Variants in CD163L1 observed in about 807,000 individuals in gnomAD.
The protein encoded by CD163L1 is CD163 molecule like 1, also known as scavenger receptor cysteine-rich type 1 protein M160.
In CD163L1, 124 loss-of-function variants were observed where a neutral mutation model predicts 165.4. The ratio of observed to expected loss-of-function variants is 0.75; its 90% CI spans 0.65 to 0.87. CD163L1 has a LOEUF of 0.87. Among genes scored for constraint, CD163L1 ranks in the 40% least tolerant of loss-of-function variants. The pLI, the probability that CD163L1 is intolerant of heterozygous loss-of-function variation, is 0.00. For missense variants in CD163L1, 1,525 were observed against 1,799.9 expected (o/e 0.85, Z 2.76); for synonymous variants, 585 against 662.2 (o/e 0.88, Z 1.79).
At chr12:7,415,260 C>T (rs1034226908) in intron 4 of CD163L1, among the ~76,000 whole-genome samples, 7 of 151,894 alleles carry the variant, frequency 4.6e-5, no homozygotes, top group African/African-American at 1.7e-4. Flanking sequence ...ATAGTTATAA[C>T]TCTAATATGC....
In CD163L1 at chr12:7,433,524, G is replaced by C. The variant is rs762788583; in HGVS notation, c.295C>G (p.Arg99Gly). 5 of 1,614,026 alleles carry C rather than the reference G, an allele frequency of 3.1e-6. No individual in the cohort carries two copies. The highest frequency in any genetic ancestry group is 4.2e-6 in the Non-Finnish European group (5 of 1,180,008). ...LGCPFSFAMF[R>G]FGQAVTRHGK... is the part of the protein sequence containing the mutation. ...TGTCTAGTCACGGCTTGTCCAAAAC[G>C]AAACATGGCGAAAGAAAATGGACAT... The change falls in exon 3 of 20, where the codon CGT becomes GGT. Residue 99 changes from arginine (R) to glycine (G), a missense_variant. Physicochemically the swap from Arg to Gly is moderately radical, Grantham distance 125. Transcript: ENST00000313599.
intron 2 of CD163L1, chr12:7,438,818 C>T (rs1201438919): frequency 7.8e-6 from 12 of 1,539,984 alleles, no homozygotes; most frequent in South Asian, 1.2e-5. Flanking sequence ...TCTCTCTTCC[C>T]CGCTCAACCT....
In CD163L1 at chr12:7,374,742, G is replaced by A. The variant is rs1044594735; in HGVS notation, c.3109C>T (p.Arg1037Cys). The change falls in exon 13 of 20, where the codon CGC (arginine) becomes TGC (cysteine). Residue 1037 changes from arginine to cysteine, a missense_variant. Arg to Cys is a radical substitution (Grantham distance 180). Transcript: ENST00000313599. The surrounding 1 kb of genome is among the most constrained non-coding windows in gnomAD (Gnocchi z 5.4). ...CAGCGGCTGTCCCCATCCACTAGGC[G>A]GAGCCGTTTGTCCTCTTAGAGGAGA... ...ALICLEDKRL[R>C]LVDGDSRCAG... The A allele has an allele frequency of 8.1e-6, 13 of 1,613,518 alleles. No individual in the cohort carries two copies. The highest frequency in any genetic ancestry group is 5.3e-5 in the African/African-American group (4 of 74,898).
intron 18 of CD163L1, among the ~76,000 whole-genome samples, chr12:7,361,544 T>C (rs4882998): frequency 0.21 from 31,909 of 152,092 alleles, 3,838 homozygotes; most frequent in African/African-American, 0.33. Flanking sequence ...GCAGGGCAGA[T>C]ATGCTTTTGA....
chr12:7,352,998 T>C (rs1946717709), downstream of CD163L1, among the ~76,000 whole-genome samples: 1 of 152,090 alleles, frequency 6.6e-6, no homozygotes, highest in Admixed American at 6.6e-5. Flanking sequence ...GTCCAGGTAC[T>C]GGACTGAATA....
intron 18 of CD163L1, among the ~76,000 whole-genome samples, chr12:7,358,804 T>G (rs1258539282): frequency 1.3e-5 from 2 of 151,954 alleles, no homozygotes; most frequent in South Asian, 2.1e-4. Context: ...CACCAGAACT[T>G]TAAAACAACT....
At chr12:7,393,432 A>G (rs898981639) in intron 8 of CD163L1, among the ~76,000 whole-genome samples, 1 of 152,244 alleles carries the variant, frequency 6.6e-6, no homozygotes, top group Admixed American at 6.5e-5. Flanking sequence ...TCAAAATAAT[A>G]AGAGCTATTT....
At chr12:7,383,293 C>T (rs1327697304) in intron 8 of CD163L1, among the ~76,000 whole-genome samples, 26 of 152,142 alleles carry the variant, frequency 1.7e-4, no homozygotes, top group Admixed American at 1.7e-3. Context: ...CTCCAGCACC[C>T]ACCTACATGT....
intron 8 of CD163L1, among the ~76,000 whole-genome samples, chr12:7,380,787 CT>C (rs1262144986): frequency 4.6e-5 from 7 of 151,984 alleles, no homozygotes; most frequent in African/African-American, 1.7e-4. Context: ...AAATAAAAAA[CT>C]TTTTAAAAAA....
chr12:7,406,427 C>A (rs775930905), intron 5 of CD163L1, 105 bp downstream of exon 5: 2 of 1,067,744 alleles, frequency 1.9e-6, no homozygotes, highest in East Asian at 5.0e-5. Flanking sequence ...GTAACTTCTT[C>A]ACAATTCTTA....
Position 7,398,363 on chromosome 12 carries a change from A to T in CD163L1, c.1630T>A (p.Ser544Thr), listed in dbSNP as rs1020033908. Residue 544 changes from serine to threonine, a missense_variant, in exon 7 of 20, where the codon TCT becomes ACT. By Grantham distance (58) the Ser-to-Thr change is moderately conservative (BLOSUM62 1). Coordinates refer to ENST00000313599, the MANE Select transcript of CD163L1 (RefSeq NM_174941.6). The surrounding 1 kb of genome is among the most constrained non-coding windows in gnomAD (Gnocchi z 4.5). ...ATATTTGACTCATTTCCAATGCAAG[A>T]AACGTCATCCAGCCAAATAGGTCCT... ...ASGPIWLDDVSCIGNESNIWD... is the reference protein window; with the variant it reads ...ASGPIWLDDVTCIGNESNIWD... 6 of 1,614,212 alleles carry T rather than the reference A, an allele frequency of 3.7e-6. No individual in the cohort carries two copies. Among genetic ancestry groups the T allele is most frequent in the Non-Finnish European group, 4.2e-6 (5 of 1,180,028 alleles).
In CD163L1 at chr12:7,402,921, C is replaced by T. The variant is rs757598284; in HGVS notation, c.1408+614G>A. Among the ~76,000 whole-genome samples, 11 of 152,270 alleles carry T rather than the reference C, an allele frequency of 7.2e-5. No homozygotes were observed. In the East Asian group the frequency reaches 2.1e-3, roughly 29 times the overall value. ...GTGTTGGGGTTACAGGTGTGAGCCA[C>T]TGCACCTAGCTTTGTTTTTTAAATA... On this transcript the variant is annotated intron_variant, in intron 6 of 19. Coordinates refer to ENST00000313599, the MANE Select transcript of CD163L1 (RefSeq NM_174941.6).
intron 4 of CD163L1, among the ~76,000 whole-genome samples, chr12:7,411,703 T>A (rs1948141174): frequency 6.6e-6 from 1 of 152,204 alleles, no homozygotes; most frequent in Admixed American, 6.5e-5. Flanking sequence ...ACAAACCACT[T>A]TTCTTTATAA....
chr12:7,373,827 T>C (rs1947196359), intron 13 of CD163L1, among the ~76,000 whole-genome samples, 187 bp from the exon 14 acceptor site: 1 of 152,134 alleles, frequency 6.6e-6, no homozygotes, highest in Admixed American at 6.5e-5. Context: ...TCAGGATGAG[T>C]GTGGGTTTCC....
chr12:7,389,966 A>ATATATATT (rs1489208867), intron 8 of CD163L1, among the ~76,000 whole-genome samples: 14 of 146,558 alleles, frequency 9.6e-5, no homozygotes, highest in African/African-American at 3.2e-4. Context: ...ATATTTATAT[A>ATATATATT]TATATATATA....
chr12:7,324,792 G>T, the CD163L1 span, among the ~76,000 whole-genome samples: 1 of 150,834 alleles, frequency 6.6e-6, no homozygotes, highest in Non-Finnish European at 1.5e-5. Context: ...GAATTCTTTT[G>T]ATGGCAAGTG....
intron 4 of CD163L1, among the ~76,000 whole-genome samples, chr12:7,411,375 G>T (rs975923617): frequency 6.6e-6 from 1 of 152,018 alleles, no homozygotes; most frequent in African/African-American, 2.4e-5. Flanking sequence ...TGTCCCCTCC[G>T]AATCTGAGGT....
At chr12:7,404,428 G>A (rs1947974738) in intron 5 of CD163L1, among the ~76,000 whole-genome samples, 1 of 152,106 alleles carries the variant, frequency 6.6e-6, no homozygotes, top group Admixed American at 6.6e-5. Flanking sequence ...ATTTGTCATA[G>A]GAAATGAAAT....
Position 7,431,787 on chromosome 12 carries a change from A to T in CD163L1, c.766+629T>A, listed in dbSNP as rs193047803. Among the ~76,000 whole-genome samples the T allele has an allele frequency of 4.9e-4, 75 of 152,314 alleles. 1 individual carries two copies. In the East Asian group the frequency reaches 0.01, roughly 21 times the overall value. ...AAGTGATCCCTTATTTCTGACTTGA[A>T]TAATGAAGTGGGTAATAATGCTATT... On this transcript the variant is annotated intron_variant, in intron 4 of 19. Transcript: ENST00000313599.
Sources: gnomAD v4.1 joint callset for allele counts (sites outside exome capture counted in the v4.1 genomes callset) on GRCh38, gnomAD v4.1.1 for gene constraint, Gnocchi (gnomAD v3.1) non-coding constraint, MANE v1.5 for transcripts, NCBI Gene and HGNC (gene_info 2026-07-23, HGNC 2026-07-21) for gene names.